Variants in TMEM150C observed in about 807,000 individuals in gnomAD.
TMEM150C encodes the protein transmembrane protein 150C.
In TMEM150C, 10 loss-of-function variants were observed where a neutral mutation model predicts 29.9. That is an observed-to-expected ratio of 0.33 (90% confidence interval 0.21 to 0.57). TMEM150C has a LOEUF of 0.57. TMEM150C is among the 20% of genes least tolerant of loss of function. TMEM150C has a pLI of 0.88. For synonymous variants in TMEM150C, 101 were observed against 112.5 expected (o/e 0.90, Z 0.64); for missense variants, 251 against 303.6 (o/e 0.83, Z 1.29).
Position 82,485,526 on chromosome 4 carries a change from C to A in TMEM150C, c.735G>T (p.Gln245His). The A allele has an allele frequency of 6.2e-7, 1 of 1,601,226 alleles. No homozygotes were observed. Among genetic ancestry groups the A allele is most frequent in the Non-Finnish European group, 8.5e-7 (1 of 1,173,738 alleles). Residue 245 changes from glutamine to histidine, a missense_variant, in exon 8 of 8, where the codon CAG (glutamine) becomes CAT (histidine). Transcript: ENST00000449862. ...SESLSEASEY[Q>H]TDQV The stretch of plus-strand genomic sequence containing the variant: ...AACTGATGGTTTACACCTGGTCAGT[C>A]TGATATTCAGAAGCTTCTGACAGGC...
chr4:82,548,426 A>G (rs956403804), intron 1 of TMEM150C, among the ~76,000 whole-genome samples: 1 of 152,224 alleles, frequency 6.6e-6, no homozygotes, highest in African/African-American at 2.4e-5. Flanking sequence ...AATGTAATAT[A>G]TTTAAAAATC....
intron 1 of TMEM150C, among the ~76,000 whole-genome samples, chr4:82,508,751 C>T (rs1724021013): frequency 6.6e-6 from 1 of 152,156 alleles, no homozygotes; most frequent in African/African-American, 2.4e-5. Flanking sequence ...TAGGTGTGAG[C>T]CACTGCACCT....
intron 1 of TMEM150C, among the ~76,000 whole-genome samples, chr4:82,544,070 C>T (rs945773926): frequency 1.3e-5 from 2 of 152,186 alleles, no homozygotes; most frequent in African/African-American, 4.8e-5. Flanking sequence ...ATATTAACTG[C>T]CCCTCACCGT....
chr4:82,486,246 T>A (rs1723154141), intron 7 of TMEM150C, among the ~76,000 whole-genome samples: 1 of 142,632 alleles, frequency 7.0e-6, no homozygotes, highest in Non-Finnish European at 1.5e-5. Flanking sequence ...GCCAGAAAAA[T>A]TAAGCTATTT....
intron 1 of TMEM150C, among the ~76,000 whole-genome samples, chr4:82,553,669 G>A (rs779104737): frequency 6.6e-6 from 1 of 152,212 alleles, no homozygotes; most frequent in East Asian, 1.9e-4. Flanking sequence ...GCCAAGGACT[G>A]TGCTAGGGAC....
intron 1 of TMEM150C, among the ~76,000 whole-genome samples, chr4:82,535,925 A>G (rs1036848138): frequency 6.6e-6 from 1 of 152,146 alleles, no homozygotes; most frequent in African/African-American, 2.4e-5. Flanking sequence ...AGATGTATGT[A>G]GCACCCCCCT....
chr4:82,517,292 A>G (rs957975297), intron 1 of TMEM150C, among the ~76,000 whole-genome samples: 5 of 152,172 alleles, frequency 3.3e-5, no homozygotes, highest in Non-Finnish European at 5.9e-5. Flanking sequence ...GTGTCCTCAG[A>G]AATAGGAGCA....
intron 1 of TMEM150C, among the ~76,000 whole-genome samples, chr4:82,517,390 C>T (rs1418264892): frequency 6.6e-6 from 1 of 152,128 alleles, no homozygotes; most frequent in African/African-American, 2.4e-5. Context: ...AACATTATTC[C>T]TGAGTGTGCT....
At chr4:82,491,020 C>T in intron 6 of TMEM150C, 1 of 737,058 alleles carries the variant, frequency 1.4e-6, no homozygotes, top group Admixed American at 1.8e-5. Flanking sequence ...GTGAAGACAA[C>T]AGTGGTGCAG....
intron 1 of TMEM150C, among the ~76,000 whole-genome samples, chr4:82,522,545 T>G (rs1485005583): frequency 6.6e-6 from 1 of 152,236 alleles, no homozygotes; most frequent in Non-Finnish European, 1.5e-5. Context: ...GATAGCACGG[T>G]GTATGGTCTT....
chr4:82,504,214 T>TG (rs1375744384), intron 2 of TMEM150C, among the ~76,000 whole-genome samples: 8 of 151,872 alleles, frequency 5.3e-5, no homozygotes, highest in South Asian at 2.1e-4. Flanking sequence ...TACTATTTTT[T>TG]GGGGGGGTGG....
intron 1 of TMEM150C, among the ~76,000 whole-genome samples, chr4:82,542,289 G>C (rs1725224686): frequency 6.6e-6 from 1 of 152,188 alleles, no homozygotes; most frequent in African/African-American, 2.4e-5. Flanking sequence ...ATTTCAATGT[G>C]GGAACCATGA....
intron 1 of TMEM150C, among the ~76,000 whole-genome samples, chr4:82,546,723 G>A (rs953266484): frequency 1.3e-5 from 2 of 152,116 alleles, no homozygotes; most frequent in South Asian, 4.2e-4. Flanking sequence ...AGCTACTTGG[G>A]AGGCTGAGGC....
chr4:82,511,630 T>C (rs1265461330), intron 1 of TMEM150C, among the ~76,000 whole-genome samples: 1 of 152,064 alleles, frequency 6.6e-6, no homozygotes. Context: ...CGTGTGCCAC[T>C]ATGCCCAGCT....
chr4:82,560,844 C>T (rs531437600), intron 1 of TMEM150C, among the ~76,000 whole-genome samples: 1 of 152,268 alleles, frequency 6.6e-6, no homozygotes, highest in Admixed American at 6.5e-5. Flanking sequence ...TGTTTTAGAT[C>T]CAATAACTGT....
chr4:82,499,691 C>T (rs894618661), intron 5 of TMEM150C, among the ~76,000 whole-genome samples: 4 of 134,612 alleles, frequency 3.0e-5, no homozygotes, highest in African/African-American at 1.2e-4. Context: ...CCATTGCACT[C>T]CAGCCTGGGT....
chr4:82,494,803 T>TTTTTTG, intron 6 of TMEM150C: 1 of 302,812 alleles, frequency 3.3e-6, no homozygotes, highest in South Asian at 3.5e-5. Context: ...TTTTTTTTTT[T>TTTTTTG]GTGAGTCTGA....
chr4:82,559,255 G>T (rs993302705), intron 1 of TMEM150C, among the ~76,000 whole-genome samples: 1 of 152,182 alleles, frequency 6.6e-6, no homozygotes, highest in African/African-American at 2.4e-5. Flanking sequence ...ACGGACCCAT[G>T]TGACAGGGGC....
chr4:82,492,121 T>C (rs533657661), intron 6 of TMEM150C, among the ~76,000 whole-genome samples: 1 of 49,616 alleles, frequency 2.0e-5, no homozygotes, highest in African/African-American at 3.9e-4. Context: ...TTGTTTTTTG[T>C]TGTTGTTGTT....
Sources: gnomAD v4.1 joint callset for allele counts (sites outside exome capture counted in the v4.1 genomes callset) on GRCh38, gnomAD v4.1.1 for gene constraint, MANE v1.5 for transcripts, NCBI Gene and HGNC (gene_info 2026-07-23, HGNC 2026-07-21) for gene names.